Variants in SCN2A observed in about 807,000 individuals in gnomAD.
SCN2A encodes the protein sodium channel protein type 2 subunit alpha.
A neutral mutation model predicts 188.7 loss-of-function variants in SCN2A; 20 were observed. The ratio of observed to expected loss-of-function variants is 0.11; its 90% CI spans 0.07 to 0.15. The LOEUF (loss-of-function observed/expected upper bound fraction) is 0.15. SCN2A is among the 10% of genes least tolerant of loss of function. The pLI is 1.00. For missense variants in SCN2A, 1,278 were observed against 2,445.0 expected, an observed-to-expected ratio of 0.52 and a Z score of 10.07; for synonymous variants, 804 against 833.1, an observed-to-expected ratio of 0.97 and a Z score of 0.60.
intron 19 of SCN2A, among the ~76,000 whole-genome samples, chr2:165,368,515 C>T (rs1056261156): frequency 2.0e-5 from 3 of 152,180 alleles, no homozygotes; most frequent in East Asian, 1.9e-4. Context: ...AATTGCTTAA[C>T]ATAAACTCCA....
chr2:165,388,741 G>A lies in SCN2A; in HGVS notation c.4935G>A (p.Gly1645=), dbSNP rs755962989. The stretch of plus-strand genomic sequence containing the variant: ...TACGTCTGATCAAAGGAGCAAAGGG[G>A]ATCCGCACGCTGCTCTTTGCTTTGA... The part of the protein sequence containing the change: ...RILRLIKGAK[G]IRTLLFALMM... The change falls in exon 27 of 27, where the codon GGG becomes GGA. Residue 1645 remains glycine (G), a synonymous_variant. Transcript: ENST00000375437. 3.1e-6 allele frequency: 5 copies of A among 1,613,902 alleles called. No individual in the cohort carries two copies. In the African/African-American group the frequency reaches 5.3e-5, roughly 17 times the overall value.
chr2:165,344,372 C>T (rs1699459245), intron 15 of SCN2A, among the ~76,000 whole-genome samples, 183 bp from the exon 16 acceptor site: 1 of 151,838 alleles, frequency 6.6e-6, no homozygotes, highest in African/African-American at 2.4e-5. Flanking sequence ...AATAAAATTA[C>T]AGATTTTTCC....
intron 17 of SCN2A, among the ~76,000 whole-genome samples, chr2:165,354,950 A>C (rs912470092): frequency 6.6e-6 from 1 of 152,156 alleles, no homozygotes; most frequent in African/African-American, 2.4e-5. Flanking sequence ...AATAATTTTA[A>C]ATTTCTCAAA....
chr2:165,361,741 G>A (rs1256184308), intron 17 of SCN2A, among the ~76,000 whole-genome samples: 1 of 152,016 alleles, frequency 6.6e-6, no homozygotes, highest in African/African-American at 2.4e-5. Context: ...CATCACTGGA[G>A]CTATAGATCC....
At chr2:165,338,809 A>G (rs1227112970) in intron 14 of SCN2A, among the ~76,000 whole-genome samples, 3 of 152,196 alleles carry the variant, frequency 2.0e-5, no homozygotes, top group Non-Finnish European at 4.4e-5. Context: ...AAAGCCTAAG[A>G]TCATCTCAAT....
At chr2:165,341,421 A>G (rs1699315627) in intron 14 of SCN2A, among the ~76,000 whole-genome samples, 1 of 152,176 alleles carries the variant, frequency 6.6e-6, no homozygotes, top group Non-Finnish European at 1.5e-5. Context: ...AAGGGAGAGA[A>G]GGACTCGGTA....
chr2:165,289,414 A>G (rs1695998468), intron 1 of SCN2A, among the ~76,000 whole-genome samples: 1 of 152,116 alleles, frequency 6.6e-6, no homozygotes, highest in Non-Finnish European at 1.5e-5. Context: ...CCAATTCTTA[A>G]GATTTTTTAT....
Position 165,354,348 on chromosome 2 carries a change from C to G in SCN2A, c.3076C>G (p.Gln1026Glu), listed in dbSNP as rs1553583735. The G allele has an allele frequency of 6.2e-7, 1 of 1,613,834 alleles. No homozygotes were observed. The highest frequency in any genetic ancestry group is 8.5e-7 in the Non-Finnish European group (1 of 1,179,922). ...FVKRKIREFI[Q>E]KAFVRKQKAL... The stretch of plus-strand genomic sequence containing the variant: ...TAAAAGAAAAATACGTGAATTTATT[C>G]AGAAAGCCTTTGTTAGGAAGCAGAA... The change falls in exon 17 of 27, where the codon CAG becomes GAG. Residue 1026 changes from glutamine to glutamate, a missense_variant. Physicochemically the swap from Gln to Glu is conservative, Grantham distance 29 (BLOSUM62 2). Transcript: ENST00000375437.
chr2:165,346,534 A>G (rs762595570), intron 16 of SCN2A, among the ~76,000 whole-genome samples: 1 of 152,252 alleles, frequency 6.6e-6, no homozygotes, highest in Non-Finnish European at 1.5e-5. Flanking sequence ...ACCATTCAGG[A>G]CATTGGCATG....
At chr2:165,340,605 G>GA (rs1226931190) in intron 14 of SCN2A, among the ~76,000 whole-genome samples, 2 of 152,130 alleles carry the variant, frequency 1.3e-5, no homozygotes, top group African/African-American at 4.8e-5. Context: ...TGCTTGAACA[G>GA]AAAAATAGAT....
At chr2:165,263,760 G>A (rs979924036) in intron 1 of SCN2A, among the ~76,000 whole-genome samples, 4 of 151,850 alleles carry the variant, frequency 2.6e-5, no homozygotes, top group African/African-American at 9.7e-5. Flanking sequence ...AATAATGGTG[G>A]TATTTTTATG....
chr2:165,376,419 G>A (rs911028481), intron 22 of SCN2A, among the ~76,000 whole-genome samples: 2 of 151,934 alleles, frequency 1.3e-5, no homozygotes, highest in Non-Finnish European at 1.5e-5. Flanking sequence ...ATATAAAAAT[G>A]ATATAATACT....
At chr2:165,388,152 A>G (rs986037617) in intron 26 of SCN2A, among the ~76,000 whole-genome samples, 6 of 152,152 alleles carry the variant, frequency 3.9e-5, no homozygotes, top group African/African-American at 1.4e-4. Context: ...ATTCAGTCCC[A>G]AGTACATCTG....
chr2:165,242,283 G>T lies in SCN2A; in HGVS notation c.-52+2643G>T, dbSNP rs1219499964. 9.2e-5 allele frequency among the ~76,000 whole-genome samples: 14 copies of T among 152,210 alleles called. 1 individual carries two copies. The South Asian group carries it at 2.9e-3, about 32-fold the overall frequency. ...GAACAAAAGAGAAGTGAAGATGACT[G>T]GGGGCATAATCTTAAGATTAGGAGA... is the stretch of plus-strand genomic sequence containing the variant. On this transcript the variant is annotated intron_variant, in intron 1 of 26. Coordinates refer to ENST00000375437, the MANE Select transcript of SCN2A (RefSeq NM_001040142.2).
chr2:165,308,931 C>A, intron 5 of SCN2A, 137 bp downstream of exon 5: 1 of 1,248,116 alleles, frequency 8.0e-7, no homozygotes, highest in Non-Finnish European at 1.1e-6. Context: ...ATCAAATTAT[C>A]CAGTTTGGAG....
intron 25 of SCN2A, 146 bp from the exon 26 acceptor site, chr2:165,386,600 G>A (rs1701886090): frequency 1.2e-6 from 1 of 860,350 alleles, no homozygotes; most frequent in Non-Finnish European, 1.7e-6. Flanking sequence ...GTTTTGCAAG[G>A]AATTTTTTTT....
chr2:165,381,241 T>C (rs1701587369), intron 25 of SCN2A, 44 bp downstream of exon 25: 3 of 1,365,496 alleles, frequency 2.2e-6, no homozygotes, highest in South Asian at 2.5e-5. Context: ...CTATATTACC[T>C]AACCGTTTCA....
intron 7 of SCN2A, 79 bp from the exon 8 acceptor site, chr2:165,311,946 A>G: frequency 4.5e-6 from 4 of 895,298 alleles, no homozygotes; most frequent in Non-Finnish European, 5.5e-6. Flanking sequence ...AACATTTGTG[A>G]GCTTTGCCAC....
intron 26 of SCN2A, among the ~76,000 whole-genome samples, chr2:165,387,930 T>A (rs1701956324): frequency 6.6e-6 from 1 of 152,150 alleles, no homozygotes; most frequent in African/African-American, 2.4e-5. Context: ...ACCTTCTCAG[T>A]GACCTAAGAG....
Sources: gnomAD v4.1 joint callset for allele counts (sites outside exome capture counted in the v4.1 genomes callset) on GRCh38, gnomAD v4.1.1 for gene constraint, MANE v1.5 for transcripts, NCBI Gene and HGNC (gene_info 2026-07-23, HGNC 2026-07-21) for gene names.